Variants in ARHGEF12 observed in about 807,000 individuals in gnomAD.
ARHGEF12 encodes the protein KMT2A/ARHGEF12 fusion protein.
A neutral mutation model predicts 211.2 loss-of-function variants in ARHGEF12; 66 were observed. That is an observed-to-expected ratio of 0.31 (90% CI 0.26 to 0.38). The LOEUF (loss-of-function observed/expected upper bound fraction) is 0.38. ARHGEF12 is among the 10% of genes least tolerant of loss of function. The probability of loss-of-function intolerance (pLI) is 1.00; values close to 1 mark genes in which losing one functional copy is unlikely to be tolerated. For missense variants in ARHGEF12, 1,429 were observed against 1,869.5 expected, an observed-to-expected ratio of 0.76 and a Z score of 4.34; for synonymous variants, 592 against 638.4, an observed-to-expected ratio of 0.93 and a Z score of 1.09.
intron 1 of ARHGEF12, among the ~76,000 whole-genome samples, chr11:120,351,431 ATATATATATATATATATATATATAT>A (rs1360728769): frequency 0.019 from 59 of 3,156 alleles, 1 homozygote; most frequent in African/African-American, 0.073. Flanking sequence ...ATATATATAT[ATATATATATATATATATATATATAT>A]TTTTTTTTTT....
intron 29 of ARHGEF12, among the ~76,000 whole-genome samples, chr11:120,468,542 G>A (rs1283959372): frequency 1.3e-5 from 2 of 152,078 alleles, no homozygotes; most frequent in African/African-American, 2.4e-5. Context: ...TCCACCTCCC[G>A]GGTTCAAGCA....
At chr11:120,356,036 G>T (rs1943121440) in intron 1 of ARHGEF12, among the ~76,000 whole-genome samples, 1 of 152,236 alleles carries the variant, frequency 6.6e-6, no homozygotes, top group African/African-American at 2.4e-5. Flanking sequence ...ATGGAAAAAT[G>T]GCCTAATCCA....
At chr11:120,400,331 A>G (rs1251252847) in intron 1 of ARHGEF12, among the ~76,000 whole-genome samples, 3 of 152,144 alleles carry the variant, frequency 2.0e-5, no homozygotes, top group African/African-American at 7.2e-5. Context: ...AAGTAATGAG[A>G]TCATTTTGTA....
intron 1 of ARHGEF12, among the ~76,000 whole-genome samples, chr11:120,389,052 G>C (rs1944129245): frequency 6.6e-6 from 1 of 151,724 alleles, no homozygotes; most frequent in Non-Finnish European, 1.5e-5. Flanking sequence ...TTTAGTTTTA[G>C]TAGAGATGGA....
chr11:120,487,052 C>G lies in ARHGEF12; in HGVS notation c.*1975C>G. 4.6e-6 allele frequency: 1 copy of G among 216,406 alleles called. No homozygotes were observed. Among genetic ancestry groups the G allele is most frequent in the East Asian group, 6.8e-5 (1 of 14,640 alleles). The allele number at this position is 216,406 out of a possible 1,614,324, so 13.4% of individuals were successfully genotyped here. A position where few individuals can be genotyped will look rare whatever the true frequency, so the allele number is the denominator to read the frequency against. On this transcript the variant is annotated 3_prime_UTR_variant, in exon 41 of 41. Transcript: ENST00000397843. ...GTGCTGCTAGAAATAATGTCATTCT[C>G]AATTAAAAGGGTTACACCTGTAGCC...
intron 1 of ARHGEF12, among the ~76,000 whole-genome samples, chr11:120,368,105 C>G (rs1943480066): frequency 6.6e-6 from 1 of 151,908 alleles, no homozygotes; most frequent in African/African-American, 2.4e-5. Context: ...GAGACAGGGT[C>G]TCACTCTTAT....
chr11:120,460,645 A>G (rs140252102), intron 26 of ARHGEF12, 27 bp from the exon 27 acceptor site: 1 of 1,593,648 alleles, frequency 6.3e-7, no homozygotes, highest in East Asian at 2.2e-5. Flanking sequence ...ATGTGTTACT[A>G]ACGTTTTTCT....
chr11:120,345,109 T>C (rs1218840158), intron 1 of ARHGEF12, among the ~76,000 whole-genome samples: 1 of 152,232 alleles, frequency 6.6e-6, no homozygotes, highest in Non-Finnish European at 1.5e-5. Context: ...TCTTCTGTTT[T>C]GTTTTGTTTT....
At chr11:120,381,452 G>A (rs1943875388) in intron 1 of ARHGEF12, among the ~76,000 whole-genome samples, 1 of 152,166 alleles carries the variant, frequency 6.6e-6, no homozygotes, top group African/African-American at 2.4e-5. Flanking sequence ...TACCCCATGA[G>A]TACAGTATTT....
At chr11:120,337,773 T>C in intron 1 of ARHGEF12, 1 of 985,448 alleles carries the variant, frequency 1.0e-6, no homozygotes, top group Non-Finnish European at 1.2e-6. Context: ...ACCTGCACGG[T>C]GTTTAATTAT....
chr11:120,437,572 G>C (rs926993945), intron 12 of ARHGEF12, among the ~76,000 whole-genome samples, 190 bp downstream of exon 12: 1 of 151,936 alleles, frequency 6.6e-6, no homozygotes, highest in African/African-American at 2.4e-5. Flanking sequence ...AGTATTCTTA[G>C]GTTCCTTCAT....
rs1942423193 is a variant in ARHGEF12 at position 120,338,435 on chromosome 11, T to A, written c.32+1160T>A. Among the ~76,000 whole-genome samples, 3 of 152,240 alleles carry A rather than the reference T, an allele frequency of 2.0e-5. No individual in the cohort carries two copies. In the South Asian group the frequency reaches 6.2e-4, roughly 32 times the overall value. On this transcript the variant is annotated intron_variant, in intron 1 of 40. Transcript: ENST00000397843. ...CCAGAAACAGAACTTCCTCTTCCTG[T>A]TGATGCTTTCCAGCATCACATGAAT...
intron 1 of ARHGEF12, among the ~76,000 whole-genome samples, chr11:120,362,712 T>A (rs1288904108): frequency 2.6e-5 from 4 of 152,182 alleles, no homozygotes; most frequent in Non-Finnish European, 5.9e-5. Context: ...CGTTTCTTGC[T>A]CCACTCTAAG....
At chr11:120,419,994 G>C (rs1258831747) in intron 4 of ARHGEF12, among the ~76,000 whole-genome samples, 1 of 152,088 alleles carries the variant, frequency 6.6e-6, no homozygotes, top group Non-Finnish European at 1.5e-5. Flanking sequence ...TATTCCTCTG[G>C]CTGGGGCCCT....
chr11:120,396,584 G>T (rs1228518262), intron 1 of ARHGEF12, among the ~76,000 whole-genome samples: 1 of 152,158 alleles, frequency 6.6e-6, no homozygotes, highest in Admixed American at 6.5e-5. Context: ...ATTTTCAAAA[G>T]TGCAAAAGGC....
intron 1 of ARHGEF12, among the ~76,000 whole-genome samples, chr11:120,402,112 A>G (rs192650999): frequency 2.0e-4 from 31 of 152,322 alleles, no homozygotes; most frequent in Middle Eastern, 6.8e-3. Context: ...TTCAAGTTCA[A>G]ATACCTGTTA....
rs1301332218 is a variant in ARHGEF12 at position 120,475,365 on chromosome 11, C to T, written c.3135C>T (p.Asp1045=). 1 of 1,613,944 alleles carries T rather than the reference C, an allele frequency of 6.2e-7. No individual in the cohort carries two copies. The highest frequency in any genetic ancestry group is 2.2e-5 in the East Asian group (1 of 44,864). ...TIDLYTLLLE[D]ILVLLQKQDD... is the part of the protein sequence containing the mutation. ...ATTTATACACGTTGCTGCTGGAAGACATTCTTGTATTGTTACAAAAGCAGG... is the reference window on the plus strand; with the variant it reads ...ATTTATACACGTTGCTGCTGGAAGATATTCTTGTATTGTTACAAAAGCAGG... Residue 1045 remains aspartate, a synonymous_variant, in exon 33 of 41, where the codon GAC becomes GAT. Coordinates refer to ENST00000397843, the MANE Select transcript of ARHGEF12 (RefSeq NM_015313.3).
rs140644075 is a variant in ARHGEF12 at position 120,400,374 on chromosome 11, T to C, written c.33-5744T>C. The stretch of plus-strand genomic sequence containing the variant: ...GTTTATTTACATTTGTTAAATGATA[T>C]TAATATCTCTTCCATAAGCATGAAT... On this transcript the variant is annotated intron_variant, in intron 1 of 40. Coordinates refer to ENST00000397843, the MANE Select transcript of ARHGEF12 (RefSeq NM_015313.3). 3.7e-3 allele frequency among the ~76,000 whole-genome samples: 569 copies of C among 152,314 alleles called. 2 individuals carry two copies. The highest frequency in any genetic ancestry group is 0.013 in the African/African-American group (553 of 41,568).
intron 1 of ARHGEF12, among the ~76,000 whole-genome samples, chr11:120,399,317 T>C (rs1271379193): frequency 2.9e-5 from 1 of 35,066 alleles, no homozygotes; most frequent in African/African-American, 1.4e-4. Context: ...TGAGACATTG[T>C]CTCCAAAAAA....
Sources: gnomAD v4.1 joint callset for allele counts (sites outside exome capture counted in the v4.1 genomes callset) on GRCh38, gnomAD v4.1.1 for gene constraint, MANE v1.5 for transcripts, NCBI Gene and HGNC (gene_info 2026-07-23, HGNC 2026-07-21) for gene names.